Variants in YAF2 observed in about 807,000 individuals in gnomAD.
The protein encoded by YAF2 is YY1-associated factor 2.
In YAF2, 7 loss-of-function variants were observed where a neutral mutation model predicts 20.1. That is an observed-to-expected ratio of 0.35 (90% confidence interval 0.20 to 0.65). YAF2 has a LOEUF of 0.65. YAF2 is among the 30% of genes least tolerant of loss of function. The pLI is 0.69. For missense variants in YAF2, 151 were observed against 219.2 expected, an observed-to-expected ratio of 0.69 and a Z score of 1.96; for synonymous variants, 74 against 76.0, an observed-to-expected ratio of 0.97 and a Z score of 0.14.
intron 2 of YAF2, among the ~76,000 whole-genome samples, chr12:42,206,843 C>T (rs929979231): frequency 3.3e-5 from 5 of 152,076 alleles, no homozygotes; most frequent in Admixed American, 3.3e-4. Context: ...CAATAAAGTT[C>T]TCTTTAAAAC....
chr12:42,203,658 T>G (rs1314978275), intron 2 of YAF2, among the ~76,000 whole-genome samples: 2 of 152,218 alleles, frequency 1.3e-5, no homozygotes, highest in Non-Finnish European at 2.9e-5. Flanking sequence ...TTCCTAAATT[T>G]TCTTATAAAT....
chr12:42,163,048 T>A (rs539665139), intron 2 of YAF2, among the ~76,000 whole-genome samples: 1 of 152,164 alleles, frequency 6.6e-6, no homozygotes, highest in Non-Finnish European at 1.5e-5. Context: ...AAGGCTTGTT[T>A]AGCTTGCTTA....
chr12:42,177,945 A>G (rs1038661342), intron 2 of YAF2, among the ~76,000 whole-genome samples: 7 of 152,062 alleles, frequency 4.6e-5, no homozygotes, highest in African/African-American at 1.7e-4. Flanking sequence ...TACCTACTAC[A>G]TTACATATTA....
intron 2 of YAF2, among the ~76,000 whole-genome samples, chr12:42,178,562 T>C (rs1211046291): frequency 6.6e-6 from 1 of 152,196 alleles, no homozygotes; most frequent in Non-Finnish European, 1.5e-5. Flanking sequence ...CAAATAATCA[T>C]TATAAATACA....
In YAF2 at chr12:42,171,105, G is replaced by A. The variant is rs145866111; in HGVS notation, c.153-9340C>T. Among the ~76,000 whole-genome samples the A allele has an allele frequency of 1.1e-3, 169 of 152,192 alleles. 2 individuals are homozygous for A. Among genetic ancestry groups the A allele is most frequent in the African/African-American group, 3.8e-3 (159 of 41,538 alleles). On this transcript the variant is annotated intron_variant, in intron 2 of 3. Transcript: ENST00000534854. ...TCTCCTGGGTTCAAGCAATCCTCCT[G>A]CCTCAGCCTCCCAAGTAGCTGGGAT...
At chr12:42,232,699 T>C in intron 2 of YAF2, 1 of 985,374 alleles carries the variant, frequency 1.0e-6, no homozygotes, top group Non-Finnish European at 1.2e-6. Flanking sequence ...AAACCTCAAA[T>C]TTGAAGACAT....
intron 2 of YAF2, among the ~76,000 whole-genome samples, chr12:42,227,915 C>T (rs1370631524): frequency 7.1e-6 from 1 of 141,184 alleles, no homozygotes; most frequent in Non-Finnish European, 1.6e-5. Flanking sequence ...CCGGCCGCCC[C>T]TACTGGGAAG....
intron 2 of YAF2, among the ~76,000 whole-genome samples, chr12:42,188,372 T>C (rs1460464945): frequency 1.3e-5 from 2 of 151,236 alleles, no homozygotes; most frequent in African/African-American, 4.9e-5. Flanking sequence ...CTTTGAAATA[T>C]ATATATTTTG....
chr12:42,168,175 ATTT>A (rs972399859), intron 2 of YAF2, among the ~76,000 whole-genome samples: 1 of 125,948 alleles, frequency 7.9e-6, no homozygotes, highest in African/African-American at 3.0e-5. Context: ...GAAAGACAGC[ATTT>A]TTTTTTTTTT....
chr12:42,161,893 T>C (rs910559428), intron 2 of YAF2, 128 bp from the exon 3 acceptor site: 2 of 820,044 alleles, frequency 2.4e-6, no homozygotes, highest in African/African-American at 1.8e-5. Context: ...ATTCCTCATA[T>C]GTAAGGTAAT....
At chr12:42,205,481 T>A (rs1375813198) in intron 2 of YAF2, among the ~76,000 whole-genome samples, 1 of 151,874 alleles carries the variant, frequency 6.6e-6, no homozygotes, top group African/African-American at 2.4e-5. Flanking sequence ...GTTCAAGCAA[T>A]TCTCTGCCTC....
In YAF2 at chr12:42,161,540, T is replaced by C. The variant is rs1040483104; in HGVS notation, c.305+73A>G. 27 of 1,452,530 alleles carry C rather than the reference T, an allele frequency of 1.9e-5. No individual in the cohort carries two copies. In the East Asian group the frequency reaches 4.2e-4, roughly 23 times the overall value. 90.0% of individuals were successfully genotyped at this position (1,452,530 alleles called of 1,614,324 possible). A position where few individuals can be genotyped will look rare whatever the true frequency, so the allele number is the denominator to read the frequency against. Reference sequence around the variant, plus strand: ...TATTTTACTTCCACTTTGTGTATATTAGTATGTCAAGGTTAAAAAAATTAA... The same window carrying C: ...TATTTTACTTCCACTTTGTGTATATCAGTATGTCAAGGTTAAAAAAATTAA... On this transcript the variant is annotated intron_variant, in intron 3 of 3. Transcript: ENST00000534854.
chr12:42,193,949 T>C (rs931503150), intron 2 of YAF2, among the ~76,000 whole-genome samples: 1 of 152,230 alleles, frequency 6.6e-6, no homozygotes, highest in African/African-American at 2.4e-5. Context: ...TGTGTCTTCA[T>C]TTTTAACAAA....
At chr12:42,230,745 T>G (rs991799659) in intron 2 of YAF2, among the ~76,000 whole-genome samples, 9 of 152,186 alleles carry the variant, frequency 5.9e-5, no homozygotes, top group African/African-American at 1.9e-4. Context: ...AAGGAGTTTA[T>G]GCCACATACA....
intron 2 of YAF2, among the ~76,000 whole-genome samples, chr12:42,219,527 G>A (rs896712068): frequency 6.6e-6 from 1 of 152,016 alleles, no homozygotes; most frequent in Non-Finnish European, 1.5e-5. Context: ...ACAGAAAGGG[G>A]GACCAGAGAT....
At chr12:42,227,434 G>A (rs1374193819) in intron 2 of YAF2, among the ~76,000 whole-genome samples, 1 of 120,866 alleles carries the variant, frequency 8.3e-6, no homozygotes, top group East Asian at 2.6e-4. Context: ...AGGAAGTGAG[G>A]AGCGTCTCTG....
At chr12:42,226,746 A>T (rs2137352918) in intron 2 of YAF2, among the ~76,000 whole-genome samples, 1 of 152,376 alleles carries the variant, frequency 6.6e-6, no homozygotes, top group Admixed American at 6.5e-5. Context: ...TTTTACAAAC[A>T]TAGTGTTCAA....
At chr12:42,219,960 C>T (rs915090889) in intron 2 of YAF2, among the ~76,000 whole-genome samples, 3 of 152,028 alleles carry the variant, frequency 2.0e-5, no homozygotes, top group Non-Finnish European at 2.9e-5. Flanking sequence ...AAACAAAGTT[C>T]CCTGGTAAAA....
chr12:42,209,832 CTT>C (rs761469350), intron 2 of YAF2, among the ~76,000 whole-genome samples: 61 of 152,180 alleles, frequency 4.0e-4, no homozygotes, highest in Non-Finnish European at 6.9e-4. Flanking sequence ...GAGTTTCGCT[CTT>C]GTTGCCCAGG....
Sources: allele counts gnomAD v4.1 joint callset (sites outside exome capture counted in the v4.1 genomes callset), GRCh38; gene constraint gnomAD v4.1.1; transcripts MANE v1.5; gene names NCBI Gene and HGNC (gene_info 2026-07-23, HGNC 2026-07-21).